Variants in SULF1 observed in about 807,000 individuals in gnomAD.
SULF1 encodes extracellular sulfatase Sulf-1.
In SULF1, 46 loss-of-function variants were observed where a neutral mutation model predicts 110.5. The ratio of observed to expected loss-of-function variants is 0.42; its 90% CI spans 0.33 to 0.53. The LOEUF is 0.53. SULF1 is among the 20% of genes least tolerant of loss of function. SULF1 has a pLI of 0.12. For synonymous variants in SULF1, 371 were observed against 387.1 expected (o/e 0.96, Z 0.49); for missense variants, 941 against 1,094.2 (o/e 0.86, Z 1.98).
At chr8:69,593,539 T>C (rs747085095) in intron 8 of SULF1, among the ~76,000 whole-genome samples, 9 of 152,204 alleles carry the variant, frequency 5.9e-5, no homozygotes, top group Non-Finnish European at 1.2e-4. Flanking sequence ...GGGGTGAATG[T>C]ATCATCTTTC....
intron 12 of SULF1, 21 bp from the exon 13 acceptor site, chr8:69,604,782 G>A (rs1808097760): frequency 4.3e-6 from 7 of 1,613,404 alleles, no homozygotes; most frequent in Non-Finnish European, 5.9e-6. Context: ...CATGTACGAA[G>A]CTTTTCCCTT....
intron 22 of SULF1, among the ~76,000 whole-genome samples, chr8:69,651,331 G>A (rs564535748): frequency 6.6e-6 from 1 of 152,082 alleles, no homozygotes; most frequent in Non-Finnish European, 1.5e-5. Flanking sequence ...AGGATTACAG[G>A]CATGAGCCAC....
intron 12 of SULF1, among the ~76,000 whole-genome samples, chr8:69,604,110 T>A (rs1808038770): frequency 6.6e-6 from 1 of 152,218 alleles, no homozygotes; most frequent in South Asian, 2.1e-4. Flanking sequence ...AATTGTGATA[T>A]ATCAATTTTT....
chr8:69,643,399 A>G (rs564568239), intron 22 of SULF1, among the ~76,000 whole-genome samples: 12 of 151,114 alleles, frequency 7.9e-5, no homozygotes, highest in African/African-American at 2.7e-4. Flanking sequence ...TTAGATTTTG[A>G]CAGTTTTAGA....
chr8:69,631,288 T>G (rs1165934155), intron 19 of SULF1, among the ~76,000 whole-genome samples: 1 of 152,304 alleles, frequency 6.6e-6, no homozygotes, highest in East Asian at 1.9e-4. Context: ...TATCTGCTTT[T>G]TATCATCTGA....
chr8:69,643,897 G>C (rs1469829296), intron 22 of SULF1, among the ~76,000 whole-genome samples: 1 of 152,200 alleles, frequency 6.6e-6, no homozygotes, highest in Non-Finnish European at 1.5e-5. Context: ...AAATCAACAG[G>C]TTGTTGGGGT....
At chr8:69,560,120 A>G (rs1175253678) in intron 3 of SULF1, among the ~76,000 whole-genome samples, 3 of 152,170 alleles carry the variant, frequency 2.0e-5, no homozygotes, top group Admixed American at 6.5e-5. Context: ...TATACTTTGG[A>G]CATTGCTGCT....
At chr8:69,597,699 T>C (rs1400897604) in intron 8 of SULF1, 3 of 152,200 alleles carry the variant, frequency 2.0e-5, no homozygotes, top group African/African-American at 7.2e-5. Flanking sequence ...AGTTCCCTAT[T>C]GTAATTTTTA....
chr8:69,607,730 A>G (rs1409249437), intron 13 of SULF1, among the ~76,000 whole-genome samples: 1 of 152,166 alleles, frequency 6.6e-6, no homozygotes, highest in Non-Finnish European at 1.5e-5. Context: ...GCTACTTTGA[A>G]GATTATCTGT....
chr8:69,503,650 A>C (rs1470701757), intron 3 of SULF1, among the ~76,000 whole-genome samples: 1 of 152,200 alleles, frequency 6.6e-6, no homozygotes. Context: ...GTGCCATACC[A>C]TTCAAAATTA....
intron 3 of SULF1, among the ~76,000 whole-genome samples, chr8:69,546,904 C>G (rs1465965683): frequency 6.6e-6 from 1 of 152,056 alleles, no homozygotes; most frequent in Non-Finnish European, 1.5e-5. Context: ...AATAAGTAAA[C>G]CTGAAACCAA....
chr8:69,628,349 A>AGATCC, intron 18 of SULF1, 113 bp downstream of exon 18: 1 of 874,790 alleles, frequency 1.1e-6, no homozygotes, highest in South Asian at 1.5e-5. Context: ...CAGAAGAAGT[A>AGATCC]GATCCATCTA....
chr8:69,535,590 G>A (rs1180462432), intron 3 of SULF1, among the ~76,000 whole-genome samples: 2 of 152,208 alleles, frequency 1.3e-5, no homozygotes, highest in Non-Finnish European at 2.9e-5. Flanking sequence ...GCGTTAGGAT[G>A]TAAGGAGTAA....
intron 3 of SULF1, among the ~76,000 whole-genome samples, chr8:69,538,631 G>A (rs1372046249): frequency 1.3e-5 from 2 of 152,204 alleles, no homozygotes; most frequent in Non-Finnish European, 2.9e-5. Context: ...GTCCTGTCAT[G>A]TCAAACCTTC....
intron 3 of SULF1, among the ~76,000 whole-genome samples, chr8:69,531,893 C>T (rs145676928): frequency 6.9e-4 from 105 of 152,210 alleles, no homozygotes; most frequent in South Asian, 8.3e-4. Flanking sequence ...TGATTACATA[C>T]GCGGCCACCC....
chr8:69,537,928 A>G (rs1410965739), intron 3 of SULF1, among the ~76,000 whole-genome samples: 1 of 151,812 alleles, frequency 6.6e-6, no homozygotes, highest in African/African-American at 2.4e-5. Context: ...AATTGAAAAA[A>G]AAGTAATTTT....
intron 8 of SULF1, among the ~76,000 whole-genome samples, chr8:69,593,824 C>T (rs1807084457): frequency 6.6e-6 from 1 of 152,166 alleles, no homozygotes; most frequent in Non-Finnish European, 1.5e-5. Context: ...TTTTCAGTAA[C>T]TTATTTCCCC....
chr8:69,612,092 A>C (rs1300268696), intron 13 of SULF1, among the ~76,000 whole-genome samples: 2 of 152,136 alleles, frequency 1.3e-5, no homozygotes, highest in Non-Finnish European at 2.9e-5. Context: ...AAGTGAGAAA[A>C]TAAAATATTT....
chr8:69,468,675 A>C (rs549379574), intron 1 of SULF1, among the ~76,000 whole-genome samples: 1 of 152,372 alleles, frequency 6.6e-6, no homozygotes, highest in Non-Finnish European at 1.5e-5. Context: ...AAATAAAGAC[A>C]GAAAGGCAAG....
Sources: allele counts gnomAD v4.1 joint callset (sites outside exome capture counted in the v4.1 genomes callset), GRCh38; gene constraint gnomAD v4.1.1; transcripts MANE v1.5; gene names NCBI Gene and HGNC (gene_info 2026-07-23, HGNC 2026-07-21).